STARD13: variants seen among roughly 807,000 people sequenced by gnomAD.
STARD13 encodes the protein stAR-related lipid transfer protein 13.
STARD13 carries 62 observed loss-of-function variants against 106.4 expected under a neutral mutation model. The ratio of observed to expected loss-of-function variants is 0.58; its 90% CI spans 0.48 to 0.72. The LOEUF (loss-of-function observed/expected upper bound fraction) is 0.72, where lower values mean the gene tolerates loss of function less well. Among genes scored for constraint, STARD13 ranks in the 30% least tolerant of loss-of-function variants. The probability of loss-of-function intolerance (pLI) is 0.00; values close to 1 mark genes in which losing one functional copy is unlikely to be tolerated. For missense variants in STARD13, 1,387 were observed against 1,424.0 expected (o/e 0.97, Z 0.42); for synonymous variants, 565 against 553.0 (o/e 1.02, Z -0.31).
intron 1 of STARD13, among the ~76,000 whole-genome samples, chr13:33,217,876 G>T (rs1216980209): frequency 6.6e-6 from 1 of 152,178 alleles, no homozygotes; most frequent in Admixed American, 6.5e-5. Context: ...CCTCAGTCTA[G>T]CAGGACAGGT....
chr13:33,109,923 A>T lies in STARD13; in HGVS notation c.2997T>A (p.Tyr999Ter). ...GATGGGGAGCCATGCTGTTCAGCAC[A>T]TACTGGTAGATCTCTGTTTGCCTGT... ...TLDRQTEIYQ[Y>*]VLNSMAPHPS... The change falls in exon 12 of 14, where the codon TAT (tyrosine) becomes TAA (stop). Residue 999 changes from tyrosine to a stop codon, truncating the protein, a stop_gained. Transcript: ENST00000336934. LOFTEE classifies it high-confidence loss of function. The T allele has an allele frequency of 6.2e-7, 1 of 1,614,258 alleles. No homozygotes were observed. Among genetic ancestry groups the T allele is most frequent in the Non-Finnish European group, 8.5e-7 (1 of 1,180,048 alleles).
chr13:33,123,078 A>AAAAAAAT, intron 7 of STARD13, among the ~76,000 whole-genome samples: 1 of 151,100 alleles, frequency 6.6e-6, no homozygotes, highest in East Asian at 1.9e-4. Flanking sequence ...AAAAAAAAAA[A>AAAAAAAT]AGCAAGGACT....
the STARD13 span, among the ~76,000 whole-genome samples, chr13:33,537,368 T>G: frequency 6.6e-6 from 1 of 152,234 alleles, no homozygotes; most frequent in Non-Finnish European, 1.5e-5. Flanking sequence ...TTAAAACTGT[T>G]TGTATAAATA....
intron 7 of STARD13, 65 bp from the exon 8 acceptor site, chr13:33,118,328 A>C: frequency 7.2e-7 from 1 of 1,390,546 alleles, no homozygotes; most frequent in East Asian, 2.3e-5. Flanking sequence ...AGGAGGAAGC[A>C]TGGGAAGGGA....
the STARD13 span, among the ~76,000 whole-genome samples, chr13:33,668,670 G>A: frequency 6.6e-4 from 100 of 152,294 alleles, 1 homozygote; most frequent in Middle Eastern, 3.4e-3. Context: ...ATGAGTGAAA[G>A]ATGATGCTCA....
At chr13:33,353,319 A>G (rs995875507), upstream of STARD13, among the ~76,000 whole-genome samples, 17 of 152,166 alleles carry the variant, frequency 1.1e-4, no homozygotes, top group Non-Finnish European at 1.3e-4. Context: ...GGTCACCAAT[A>G]ATCATCTGGT....
chr13:33,673,624 C>T, the STARD13 span, among the ~76,000 whole-genome samples: 1 of 144,466 alleles, frequency 6.9e-6, no homozygotes, highest in East Asian at 2.1e-4. Context: ...CTCACTGCAA[C>T]CTCCACCTCC....
chr13:33,225,830 C>T (rs1458764485), intron 1 of STARD13, among the ~76,000 whole-genome samples: 2 of 151,972 alleles, frequency 1.3e-5, no homozygotes, highest in Non-Finnish European at 2.9e-5. Flanking sequence ...TAGAAAACTA[C>T]ATAACTGAAG....
chr13:33,116,115 A>G (rs1244433172), intron 8 of STARD13, among the ~76,000 whole-genome samples: 1 of 152,118 alleles, frequency 6.6e-6, no homozygotes, highest in Non-Finnish European at 1.5e-5. Flanking sequence ...CCTAATATTC[A>G]ATGTCCTTCC....
In STARD13 at chr13:33,106,796, G is replaced by C. The variant is rs762982155; in HGVS notation, c.3186C>G (p.Gly1062=). 1.8e-5 allele frequency: 29 copies of C among 1,613,824 alleles called. No individual in the cohort carries two copies. The highest frequency in any genetic ancestry group is 2.4e-5 in the Non-Finnish European group (28 of 1,179,906). ...TGCAGATGTGAGTCAGTCTTGACTT[G>C]CCAGAGCCACACGGTTCTATCAAGT... ...SQYLIEPCGS[G]KSRLTHICRI... Residue 1062 remains glycine, a synonymous_variant, in exon 13 of 14, where the codon GGC becomes GGG. Transcript: ENST00000336934.
At chr13:33,626,916 A>AAAAAT in the STARD13 span, among the ~76,000 whole-genome samples, 2 of 152,214 alleles carry the variant, frequency 1.3e-5, no homozygotes, top group Non-Finnish European at 2.9e-5. Flanking sequence ...GCACTAGCAA[A>AAAAAT]AAAATAAAAT....
At chr13:33,386,985 G>A in the STARD13 span, among the ~76,000 whole-genome samples, 1 of 152,030 alleles carries the variant, frequency 6.6e-6, no homozygotes. Context: ...GGTTTGGTTG[G>A]GTTGACAGGT....
Position 33,282,953 on chromosome 13 carries a change from C to T in STARD13, c.169+2517G>A, listed in dbSNP as rs7335619. Among the ~76,000 whole-genome samples, 408 of 152,156 alleles carry T rather than the reference C, an allele frequency of 2.7e-3. 1 individual carries two copies. The highest frequency in any genetic ancestry group is 9.1e-3 in the African/African-American group (379 of 41,500). On this transcript the variant is annotated intron_variant, in intron 1 of 13. Transcript: ENST00000336934. The stretch of plus-strand genomic sequence containing the variant: ...GCTGAGGTGGAAGGATCGCTTGAGC[C>T]CAGGAGGTCAATGCTACAGTGAACT...
chr13:33,534,630 T>C, the STARD13 span, among the ~76,000 whole-genome samples: 12 of 152,294 alleles, frequency 7.9e-5, no homozygotes, highest in East Asian at 7.7e-4. Context: ...TTTTTATATA[T>C]AGAATACACT....
At chr13:33,541,092 T>TA in the STARD13 span, among the ~76,000 whole-genome samples, 101 of 152,260 alleles carry the variant, frequency 6.6e-4, no homozygotes, top group Non-Finnish European at 1.3e-3. Flanking sequence ...ACTGTAACTT[T>TA]ATAGTATAAT....
chr13:33,502,491 TG>T, the STARD13 span, among the ~76,000 whole-genome samples: 1 of 152,206 alleles, frequency 6.6e-6, no homozygotes, highest in Non-Finnish European at 1.5e-5. Context: ...TTCCAGTTTT[TG>T]CCCATTCAGT....
chr13:33,603,750 T>A, the STARD13 span, among the ~76,000 whole-genome samples: 1 of 152,188 alleles, frequency 6.6e-6, no homozygotes, highest in African/African-American at 2.4e-5. Flanking sequence ...TAAAAATTTT[T>A]CACTGGATTC....
the STARD13 span, among the ~76,000 whole-genome samples, chr13:33,463,090 G>C: frequency 6.6e-6 from 1 of 152,146 alleles, no homozygotes. Context: ...CAAATCTCTG[G>C]AAGTGATGCA....
intron 12 of STARD13, among the ~76,000 whole-genome samples, chr13:33,108,500 C>T (rs894699520): frequency 6.6e-6 from 1 of 152,230 alleles, no homozygotes; most frequent in African/African-American, 2.4e-5. Context: ...TATCTTATTC[C>T]TCCCAGGATA....
Sources: gnomAD v4.1 joint callset for allele counts (sites outside exome capture counted in the v4.1 genomes callset) on GRCh38, gnomAD v4.1.1 for gene constraint, MANE v1.5 for transcripts, NCBI Gene and HGNC (gene_info 2026-07-23, HGNC 2026-07-21) for gene names.